Variants in NEK1 observed in about 807,000 individuals in gnomAD.
NEK1 encodes the protein serine/threonine-protein kinase Nek1.
A neutral mutation model predicts 182.1 loss-of-function variants in NEK1; 137 were observed. That is an observed-to-expected ratio of 0.75 (90% CI 0.65 to 0.87). The LOEUF is 0.87. NEK1 is among the 40% of genes least tolerant of loss of function. The pLI is 0.00. For missense variants in NEK1, 1,391 were observed against 1,494.4 expected (o/e 0.93, Z 1.14); for synonymous variants, 513 against 492.2 (o/e 1.04, Z -0.56).
intron 23 of NEK1, among the ~76,000 whole-genome samples, chr4:169,496,010 C>T (rs1390747642): frequency 5.3e-5 from 8 of 152,296 alleles, no homozygotes; most frequent in Non-Finnish European, 1.0e-4. Context: ...GCCATTTTCA[C>T]GATACTGATT....
chr4:169,445,849 CATATAT>C (rs70964204), intron 27 of NEK1, among the ~76,000 whole-genome samples: 1 of 140,176 alleles, frequency 7.1e-6, no homozygotes, highest in Non-Finnish European at 1.5e-5. Flanking sequence ...CAACTATATA[CATATAT>C]ATATATATAT....
intron 19 of NEK1, among the ~76,000 whole-genome samples, chr4:169,521,514 C>T (rs1045790670): frequency 2.0e-5 from 3 of 152,260 alleles, no homozygotes; most frequent in South Asian, 2.1e-4. Flanking sequence ...TCCTATTCGG[C>T]CATCTTGGTT....
intron 23 of NEK1, among the ~76,000 whole-genome samples, chr4:169,492,941 A>C (rs573787738): frequency 2.0e-5 from 3 of 152,190 alleles, no homozygotes; most frequent in African/African-American, 7.2e-5. Context: ...GAAGGGGGTC[A>C]TCTCTCACCT....
At position 169,561,763 on chromosome 4, in the gene NEK1, C is replaced by T. The variant is rs1304858081; in HGVS notation, c.1141-26G>A. Reference sequence around the variant, plus strand: ...CTGTAACAATTTTAAAGACAAGCTTCTTACAACTCTTGAACCTATTATCAC... The same window carrying T: ...CTGTAACAATTTTAAAGACAAGCTTTTTACAACTCTTGAACCTATTATCAC... On this transcript the variant is annotated intron_variant, in intron 14 of 35. Coordinates refer to ENST00000507142, the MANE Select transcript of NEK1 (RefSeq NM_001199397.3). 3.1e-6 allele frequency: 5 copies of T among 1,593,564 alleles called. No individual in the cohort carries two copies. The African/African-American group carries it at 5.4e-5, about 17-fold the overall frequency.
intron 27 of NEK1, among the ~76,000 whole-genome samples, chr4:169,448,164 T>G (rs1241192056): frequency 2.6e-5 from 4 of 151,450 alleles, no homozygotes; most frequent in African/African-American, 9.7e-5. Flanking sequence ...AAGGTGGAAG[T>G]TGTAGTAAGC....
chr4:169,439,376 A>T (rs1439712526), intron 27 of NEK1, among the ~76,000 whole-genome samples: 1 of 152,220 alleles, frequency 6.6e-6, no homozygotes, highest in East Asian at 1.9e-4. Flanking sequence ...TTGTTCATCA[A>T]GTATTTATAA....
chr4:169,545,051 TTC>T (rs1283145853), intron 18 of NEK1, among the ~76,000 whole-genome samples: 2 of 117,476 alleles, frequency 1.7e-5, no homozygotes, highest in African/African-American at 2.7e-5. Flanking sequence ...GCTTCTCTGA[TTC>T]TTTTTTTTTT....
At chr4:169,607,445 G>C (rs1223976938) in intron 2 of NEK1, among the ~76,000 whole-genome samples, 2 of 151,984 alleles carry the variant, frequency 1.3e-5, no homozygotes, top group African/African-American at 4.8e-5. Flanking sequence ...TTTCAACAAA[G>C]AATTAAAATT....
intron 23 of NEK1, among the ~76,000 whole-genome samples, chr4:169,481,034 A>C (rs1747905192): frequency 6.6e-6 from 1 of 152,204 alleles, no homozygotes; most frequent in African/African-American, 2.4e-5. Flanking sequence ...CAATGTTCAA[A>C]ACAGCTTCAC....
intron 27 of NEK1, among the ~76,000 whole-genome samples, chr4:169,454,829 G>T (rs886418638): frequency 6.6e-6 from 1 of 152,126 alleles, no homozygotes; most frequent in Non-Finnish European, 1.5e-5. Flanking sequence ...CCATTACTGG[G>T]TATACACCCA....
intron 12 of NEK1, among the ~76,000 whole-genome samples, chr4:169,573,037 T>C (rs952941915): frequency 6.6e-6 from 1 of 152,208 alleles, no homozygotes; most frequent in East Asian, 1.9e-4. Flanking sequence ...TATAGGATAT[T>C]TGTTTGCTAA....
At chr4:169,524,570 C>T (rs141770408) in intron 19 of NEK1, among the ~76,000 whole-genome samples, 127 of 151,220 alleles carry the variant, frequency 8.4e-4, no homozygotes, top group African/African-American at 2.9e-3. Flanking sequence ...TGATTAATCA[C>T]GCATATGTGT....
At chr4:169,447,874 A>G (rs1231022210) in intron 27 of NEK1, among the ~76,000 whole-genome samples, 1 of 152,110 alleles carries the variant, frequency 6.6e-6, no homozygotes, top group Non-Finnish European at 1.5e-5. Flanking sequence ...GTCTCAAAAA[A>G]TAAAATGAAA....
At position 169,599,176 on chromosome 4, in the gene NEK1, A is replaced by G; in HGVS notation, c.236T>C (p.Val79Ala). The G allele has an allele frequency of 6.2e-7, 1 of 1,612,604 alleles. No individual in the cohort carries two copies. The highest frequency in any genetic ancestry group is 8.5e-7 in the Non-Finnish European group (1 of 1,179,138). Residue 79 changes from valine to alanine, a missense_variant, in exon 5 of 36, where the codon GTA becomes GCA. Physicochemically the swap from Val to Ala is moderately conservative, Grantham distance 64. This residue lies in a region of NEK1 where 116 missense variants were observed against 114.5 expected (regional missense o/e 1.01). Transcript: ENST00000507142. ...SFEENGSLYI[V>A]MDYCEGGDLF... ...ATCCCCTCCCTCACAGTAATCCATT[A>G]CTATGTAGAGAGAGCCATTTTCTAC...
intron 31 of NEK1, among the ~76,000 whole-genome samples, chr4:169,409,988 C>T (rs761883108): frequency 1.3e-5 from 2 of 152,026 alleles, no homozygotes; most frequent in Admixed American, 1.3e-4. Flanking sequence ...CTGGTAGATT[C>T]TGAATAGTAG....
chr4:169,612,578 G>C lies in NEK1; in HGVS notation c.-529C>G, dbSNP rs112048469. The C allele has an allele frequency of 3.3e-5, 5 of 152,280 alleles. No individual in the cohort carries two copies. Among genetic ancestry groups the C allele is most frequent in the African/African-American group, 9.6e-5 (4 of 41,524 alleles). 9.4% of individuals were successfully genotyped at this position (152,280 alleles called of 1,614,324 possible). A position where few individuals can be genotyped will look rare whatever the true frequency, so the allele number is the denominator to read the frequency against. On this transcript the variant is annotated 5_prime_UTR_variant, in exon 1 of 36. Transcript: ENST00000507142. ...ACCTAGGGTCCCAAAACCCTGGAGC[G>C]AATGCGGACTAAGGGAGAGCGGCCG...
At chr4:169,438,304 T>C (rs2149426128) in intron 27 of NEK1, 45 bp from the exon 28 acceptor site, 1 of 1,452,018 alleles carries the variant, frequency 6.9e-7, no homozygotes. Flanking sequence ...CTCAAAATGA[T>C]GCATTTTATC....
chr4:169,565,411 A>C (rs1000946725), intron 12 of NEK1, among the ~76,000 whole-genome samples: 1 of 152,182 alleles, frequency 6.6e-6, no homozygotes, highest in Non-Finnish European at 1.5e-5. Context: ...CCCTTGTTTT[A>C]AAATAATTAT....
intron 12 of NEK1, among the ~76,000 whole-genome samples, chr4:169,569,911 C>T (rs1427107952): frequency 1.3e-5 from 2 of 152,120 alleles, no homozygotes. Flanking sequence ...GCCCAGCCGC[C>T]ACCCCGTCTG....
Sources: allele counts gnomAD v4.1 joint callset (sites outside exome capture counted in the v4.1 genomes callset), GRCh38; gene constraint gnomAD v4.1.1; regional missense constraint gnomAD v4.1.1; transcripts MANE v1.5; gene names NCBI Gene and HGNC (gene_info 2026-07-23, HGNC 2026-07-21).